CHID1: variants seen among roughly 807,000 people sequenced by gnomAD.
CHID1 encodes the protein chitinase domain-containing protein 1.
CHID1 carries 44 observed loss-of-function variants against 55.4 expected under a neutral mutation model. The ratio of observed to expected loss-of-function variants is 0.79; its 90% CI spans 0.62 to 1.02. CHID1 has a LOEUF of 1.02. Among genes scored for constraint, CHID1 ranks in the 50% least tolerant of loss-of-function variants. CHID1 has a pLI of 0.00. For missense variants in CHID1, 491 were observed against 515.3 expected (o/e 0.95, Z 0.46); for synonymous variants, 216 against 212.9 (o/e 1.01, Z -0.13).
At position 908,905 on chromosome 11, in the gene CHID1, A is replaced by G. The variant is rs375337873; in HGVS notation, c.-44+1870T>C. 2.1e-4 allele frequency among the ~76,000 whole-genome samples: 32 copies of G among 152,354 alleles called. 1 individual carries two copies. In the East Asian group the frequency reaches 3.7e-3, roughly 17 times the overall value. On this transcript the variant is annotated intron_variant, in intron 1 of 12. Coordinates refer to ENST00000323578, the MANE Select transcript of CHID1 (RefSeq NM_023947.4). ...AGGAAGAGGAAAGGGTGGAAGAGGA[A>G]GACAGTCCTGCCAGCATGTGTCCAG...
chr11:874,735 CG>C (rs1325229673), intron 10 of CHID1: 1 of 152,240 alleles, frequency 6.6e-6, no homozygotes, highest in Non-Finnish European at 1.5e-5. Flanking sequence ...TGATTACAGG[CG>C]TGAGTCACCA....
chr11:907,058 A>C (rs1852279581), intron 1 of CHID1, among the ~76,000 whole-genome samples: 1 of 152,176 alleles, frequency 6.6e-6, no homozygotes, highest in Non-Finnish European at 1.5e-5. Context: ...CAAAAAATAA[A>C]TGAGCAGGCT....
intron 8 of CHID1, among the ~76,000 whole-genome samples, chr11:886,150 C>CA (rs35216304): frequency 0.13 from 2,594 of 20,130 alleles, 101 homozygotes; most frequent in Non-Finnish European, 0.16. Context: ...GACTCCGTCT[C>CA]AAAAAAAGAA....
intron 11 of CHID1, 106 bp downstream of exon 11, chr11:870,313 C>T: frequency 7.4e-7 from 1 of 1,347,152 alleles, no homozygotes; most frequent in Middle Eastern, 1.8e-4. Flanking sequence ...AGCAAGTGAG[C>T]TCGTGACCCT....
chr11:901,373 T>TC (rs1851796904), intron 4 of CHID1, among the ~76,000 whole-genome samples: 2 of 152,140 alleles, frequency 1.3e-5, no homozygotes, highest in South Asian at 4.2e-4. Flanking sequence ...TTCCATCACC[T>TC]CCCCACGGTT....
chr11:902,168 C>T lies in CHID1; in HGVS notation c.394+30G>A, dbSNP rs200213671. On this transcript the variant is annotated intron_variant, in intron 4 of 12. Coordinates refer to ENST00000323578, the MANE Select transcript of CHID1 (RefSeq NM_023947.4). ...CTCACACTCTTTTCAGCCTGTGGGG[C>T]AAGCACAGTCAAGCAGGAAGGATGA... The T allele has an allele frequency of 4.3e-6, 7 of 1,612,156 alleles. No individual in the cohort carries two copies. In the East Asian group the frequency reaches 1.1e-4, roughly 26 times the overall value.
chr11:892,068 T>C (rs983213770), intron 8 of CHID1, among the ~76,000 whole-genome samples: 8 of 151,660 alleles, frequency 5.3e-5, no homozygotes, highest in Admixed American at 1.3e-4. Flanking sequence ...TGAGATAAGA[T>C]TGCACCACTG....
At chr11:890,367 C>T (rs927123601) in intron 8 of CHID1, among the ~76,000 whole-genome samples, 9 of 152,352 alleles carry the variant, frequency 5.9e-5, no homozygotes, top group South Asian at 2.1e-4. Flanking sequence ...CGCCCCCATG[C>T]GTCACCTTTC....
At chr11:877,749 CGGCACTGTGGGGAGGCGGGGCCTTTAG>C (rs1849610289) in intron 10 of CHID1, among the ~76,000 whole-genome samples, 1 of 135,780 alleles carries the variant, frequency 7.4e-6, no homozygotes, top group African/African-American at 2.8e-5. Context: ...CTTTAGAAGG[CGGCACTGTGGGGAGGCGGGGCCTTTAG>C]AAGGCGGCAC....
chr11:882,554 T>C (rs1196135930), intron 10 of CHID1: 2 of 152,688 alleles, frequency 1.3e-5, no homozygotes, highest in African/African-American at 2.4e-5. Flanking sequence ...AATAAAATTG[T>C]TCAAAACCAG....
rs567279766 is a variant in CHID1 at position 910,638 on chromosome 11, C to A, written c.-44+137G>T. ...CCTCACACACTTGCTCTCTCTCACG[C>A]ACCCGCCCGGCGTCGCCCGCGACCC... On this transcript the variant is annotated intron_variant, in intron 1 of 12. Transcript: ENST00000323578. 5 of 1,267,178 alleles carry A rather than the reference C, an allele frequency of 3.9e-6. No individual in the cohort carries two copies. In the East Asian group the frequency reaches 3.5e-4, roughly 89 times the overall value. 78.5% of individuals were successfully genotyped at this position (1,267,178 alleles called of 1,614,324 possible). A position where few individuals can be genotyped will look rare whatever the true frequency, so the allele number is the denominator to read the frequency against.
chr11:882,873 G>C, intron 10 of CHID1: 3 of 398,980 alleles, frequency 7.5e-6, no homozygotes, highest in Non-Finnish European at 1.4e-5. Context: ...TGTGGGGCAA[G>C]GCTGACGGGT....
At chr11:910,713 G>C (rs1344447605) in intron 1 of CHID1, 62 bp downstream of exon 1, 14 of 1,255,654 alleles carry the variant, frequency 1.1e-5, no homozygotes, top group Non-Finnish European at 1.2e-5. Context: ...CGCCCACTTT[G>C]CGGGAGGGAA....
At chr11:895,236 C>G (rs999779311) in intron 7 of CHID1, among the ~76,000 whole-genome samples, 1 of 152,198 alleles carries the variant, frequency 6.6e-6, no homozygotes, top group Admixed American at 6.5e-5. Flanking sequence ...CAGGTACCCA[C>G]AGCTCCCCAG....
upstream of CHID1, chr11:914,540 C>T (rs1422512084): frequency 7.8e-7 from 1 of 1,289,318 alleles, no homozygotes; most frequent in South Asian, 1.2e-5. Context: ...ATTCCTGGGT[C>T]CCCAGCCTGA....
In CHID1 at chr11:902,826, C is replaced by G. The variant is rs542000662; in HGVS notation, c.261+136G>C. ...CAGAATGGCATCTCTCCCACCGTAG[C>G]CTCACAGCAGCAGCAGCTCCGGGAG... On this transcript the variant is annotated intron_variant, in intron 3 of 12. Coordinates refer to ENST00000323578, the MANE Select transcript of CHID1 (RefSeq NM_023947.4). The G allele has an allele frequency of 6.5e-5, 53 of 810,438 alleles. No homozygotes were observed. The South Asian group carries it at 8.7e-4, about 13-fold the overall frequency. The allele number at this position is 810,438 out of a possible 1,614,324, so 50.2% of individuals were successfully genotyped here.
chr11:874,694 G>C (rs2134120091), intron 10 of CHID1: 1 of 152,346 alleles, frequency 6.6e-6, no homozygotes, highest in Middle Eastern at 3.3e-3. Context: ...GGCCTCACGT[G>C]ATCCTCCCCA....
At chr11:879,100 C>T (rs1459288063) in intron 10 of CHID1, among the ~76,000 whole-genome samples, 1 of 152,232 alleles carries the variant, frequency 6.6e-6, no homozygotes, top group Non-Finnish European at 1.5e-5. Flanking sequence ...CCCACCTCGG[C>T]CTCCCAAAGT....
At position 869,846 on chromosome 11, in the gene CHID1, C is replaced by T. The variant is rs375375230; in HGVS notation, c.*12G>A. On this transcript the variant is annotated 3_prime_UTR_variant, in exon 13 of 13. Transcript: ENST00000323578. ...AAAAGAACACGTCCACCGCGGAGGC[C>T]GCAATGCCCACCTAGAGCAGGTCGT... The T allele has an allele frequency of 3.0e-5, 48 of 1,610,828 alleles. No individual in the cohort carries two copies. Among genetic ancestry groups the T allele is most frequent in the African/African-American group, 2.1e-4 (16 of 74,988 alleles).
Sources: gnomAD v4.1 joint callset for allele counts (sites outside exome capture counted in the v4.1 genomes callset) on GRCh38, gnomAD v4.1.1 for gene constraint, MANE v1.5 for transcripts, NCBI Gene and HGNC (gene_info 2026-07-23, HGNC 2026-07-21) for gene names.